Variants in ZNF566 observed in about 807,000 individuals in gnomAD.
The protein encoded by ZNF566 is zinc finger protein 566.
In ZNF566, 27 loss-of-function variants were observed where a neutral mutation model predicts 32.8. The observed-to-expected ratio is 0.82, with a 90% CI of 0.61 to 1.14. ZNF566 has a LOEUF of 1.14. Among genes scored for constraint, ZNF566 ranks in the 50% most tolerant of loss-of-function variants. The pLI is 0.00. For synonymous variants in ZNF566, 154 were observed against 159.5 expected (o/e 0.97, Z 0.26); for missense variants, 402 against 490.4 (o/e 0.82, Z 1.70).
intron 1 of ZNF566, among the ~76,000 whole-genome samples, chr19:36,477,054 A>G (rs1473832666): frequency 6.6e-6 from 1 of 151,946 alleles, no homozygotes; most frequent in Non-Finnish European, 1.5e-5. Context: ...TCTGTCCCCC[A>G]GGCTGGAGTG....
intron 3 of ZNF566, 103 bp downstream of exon 3, chr19:36,473,229 A>G (rs2145686954): frequency 1.4e-6 from 2 of 1,398,454 alleles, no homozygotes; most frequent in Non-Finnish European, 2.0e-6. Flanking sequence ...GGAACAGGAT[A>G]TCAAAATTCG....
chr19:36,460,075 G>C (rs938121620), intron 4 of ZNF566, among the ~76,000 whole-genome samples: 2 of 152,008 alleles, frequency 1.3e-5, no homozygotes, highest in Non-Finnish European at 2.9e-5. Flanking sequence ...CCAAAGTGCT[G>C]GGATTACAGG....
intron 4 of ZNF566, among the ~76,000 whole-genome samples, chr19:36,462,630 AG>A (rs1218564028): frequency 6.6e-6 from 1 of 151,940 alleles, no homozygotes; most frequent in Non-Finnish European, 1.5e-5. Flanking sequence ...ATGCAAAAAC[AG>A]GGGGGAAAAT....
At chr19:36,482,900 C>T (rs557457614) in intron 1 of ZNF566, among the ~76,000 whole-genome samples, 1 of 152,256 alleles carries the variant, frequency 6.6e-6, no homozygotes, top group East Asian at 1.9e-4. Context: ...AAGACAGAGT[C>T]GGTCTCCTTC....
chr19:36,447,441 TGA>T lies in ZNF566; in HGVS notation c.*1534_*1535del, dbSNP rs1386832273. ...AATTTTTCCCTGTTCTCTGTGTTTA[TGA>T]GAGTCTTTGAAGAGTCCTAATTTTC... On this transcript the variant is annotated 3_prime_UTR_variant, in exon 5 of 5. Transcript: ENST00000452939. 1 of 152,254 alleles carries T rather than the reference TGA, an allele frequency of 6.6e-6. No individual in the cohort carries two copies. The highest frequency in any genetic ancestry group is 1.5e-5 in the Non-Finnish European group (1 of 68,042). 9.4% of individuals were successfully genotyped at this position (152,254 alleles called of 1,614,324 possible). A position where few individuals can be genotyped will look rare whatever the true frequency, so the allele number is the denominator to read the frequency against.
intron 4 of ZNF566, among the ~76,000 whole-genome samples, chr19:36,459,803 G>A (rs899633165): frequency 4.0e-5 from 6 of 148,206 alleles, no homozygotes; most frequent in Non-Finnish European, 7.4e-5. Flanking sequence ...GAGCCACCGC[G>A]CCTGGCCACC....
rs1314669463 is a variant in ZNF566, at chr19:36,473,447, C to A, written c.21G>T (p.Met7Ile). 6.2e-7 allele frequency: 1 copy of A among 1,602,920 alleles called. No individual in the cohort carries two copies. Among genetic ancestry groups the A allele is most frequent in the East Asian group, 2.2e-5 (1 of 44,680 alleles). Residue 7 changes from methionine to isoleucine, a missense_variant, in exon 3 of 5, where the codon ATG (methionine) becomes ATT (isoleucine). Around this residue, in one of 3 missense-constraint regions of ZNF566, gnomAD observed 220 missense variants for 241.9 expected, o/e 0.91. Coordinates refer to ENST00000452939, the MANE Select transcript of ZNF566 (RefSeq NM_001145344.1). ...AGAAGTCTACGGACACATCACTGAA[C>A]ATCACTGACTCCTGGAACAATAACC... is the stretch of plus-strand genomic sequence containing the variant. MAQESV[M>I]FSDVSVDFSQ...
intron 4 of ZNF566, among the ~76,000 whole-genome samples, chr19:36,467,790 CAAAAAAAAAA>C (rs560803094): frequency 4.7e-5 from 4 of 85,928 alleles, no homozygotes; most frequent in African/African-American, 1.4e-4. Context: ...GACTCCATCT[CAAAAAAAAAA>C]AAAAAAAAAA....
chr19:36,464,800 T>C (rs1320441457), intron 4 of ZNF566, among the ~76,000 whole-genome samples: 3 of 151,788 alleles, frequency 2.0e-5, no homozygotes, highest in African/African-American at 7.3e-5. Flanking sequence ...AAGTAGAAAA[T>C]TGGGCTAGGA....
Position 36,449,153 on chromosome 19 carries a change from G to C in ZNF566, c.1081C>G (p.His361Asp). Reference protein sequence around the residue: ...GSDLTRHQRIHTGEKPYECKI... With the variant: ...GSDLTRHQRIDTGEKPYECKI... ...CATTCATAGGGTTTCTCCCCAGTAT[G>C]AATTCTCTGATGTCTAGTAAGGTCT... is the stretch of plus-strand genomic sequence containing the variant. Residue 361 changes from histidine to aspartate, a missense_variant, in exon 5 of 5, where the codon CAT becomes GAT. Coordinates refer to ENST00000452939, the MANE Select transcript of ZNF566 (RefSeq NM_001145344.1). The C allele has an allele frequency of 1.2e-6, 2 of 1,614,090 alleles. No individual in the cohort carries two copies. The highest frequency in any genetic ancestry group is 1.7e-6 in the Non-Finnish European group (2 of 1,180,002).
intron 1 of ZNF566, among the ~76,000 whole-genome samples, chr19:36,480,082 T>G (rs539228455): frequency 6.6e-6 from 1 of 152,092 alleles, no homozygotes; most frequent in African/African-American, 2.4e-5. Context: ...GATTCTAACA[T>G]TTATTTGGAA....
At chr19:36,480,251 C>T (rs1322004260) in intron 1 of ZNF566, among the ~76,000 whole-genome samples, 1 of 151,402 alleles carries the variant, frequency 6.6e-6, no homozygotes, top group African/African-American at 2.4e-5. Context: ...TATACTGTCA[C>T]CTGATTTATG....
chr19:36,477,601 C>A (rs1289020704), intron 1 of ZNF566, among the ~76,000 whole-genome samples: 1 of 142,670 alleles, frequency 7.0e-6, no homozygotes, highest in Non-Finnish European at 1.5e-5. Flanking sequence ...TGCAATGGCG[C>A]GATCTTGGCT....
Position 36,469,862 on chromosome 19 carries a change from C to G in ZNF566, c.232+3049G>C, listed in dbSNP as rs372752131. 8.8e-4 allele frequency among the ~76,000 whole-genome samples: 134 copies of G among 151,914 alleles called. 2 individuals are homozygous for G. The South Asian group carries it at 0.014, about 16-fold the overall frequency. On this transcript the variant is annotated intron_variant, in intron 4 of 4. Transcript: ENST00000452939. ...GCATAAAGAATGGTACTTTTACAAA[C>G]AAGCATTGATTAGAAAGCAGCTTAA...
intron 3 of ZNF566, 28 bp downstream of exon 3, chr19:36,473,304 C>T (rs1383019581): frequency 6.2e-7 from 1 of 1,613,274 alleles, no homozygotes; most frequent in Non-Finnish European, 8.5e-7. Flanking sequence ...AGGGCAGAAT[C>T]TAAATTACTA....
chr19:36,449,199 T>C lies in ZNF566; in HGVS notation c.1035A>G (p.Glu345=). 6.2e-7 allele frequency: 1 copy of C among 1,614,038 alleles called. No homozygotes were observed. The highest frequency in any genetic ancestry group is 8.5e-7 in the Non-Finnish European group (1 of 1,179,972). The stretch of plus-strand genomic sequence containing the variant: ...GGTCTGAGCCAGAACGAAAAGCCTT[T>C]TCACATTCCTTACATTCGTAAGGTT... The part of the protein sequence containing the change: ...GEKPYECKEC[E]KAFRSGSDLT... The change falls in exon 5 of 5, where the codon GAA becomes GAG. Residue 345 remains glutamate (E), a synonymous_variant. Coordinates refer to ENST00000452939, the MANE Select transcript of ZNF566 (RefSeq NM_001145344.1).
At chr19:36,475,345 A>G (rs943964989) in intron 2 of ZNF566, among the ~76,000 whole-genome samples, 4 of 152,110 alleles carry the variant, frequency 2.6e-5, no homozygotes, top group African/African-American at 9.7e-5. Context: ...GGCCACTGAC[A>G]TCAATTTTTC....
At chr19:36,476,883 A>C (rs527733587) in intron 1 of ZNF566, among the ~76,000 whole-genome samples, 2 of 152,314 alleles carry the variant, frequency 1.3e-5, no homozygotes, top group South Asian at 4.1e-4. Flanking sequence ...CATATTATAC[A>C]CACTACTTAT....
chr19:36,467,790 C>CAAAAAAAAAAAAAAAAAAAAAAAA (rs560803094), intron 4 of ZNF566, among the ~76,000 whole-genome samples: 1 of 85,918 alleles, frequency 1.2e-5, no homozygotes, highest in Admixed American at 1.7e-4. Flanking sequence ...GACTCCATCT[C>CAAAAAAAAAAAAAAAAAAAAAAAA]AAAAAAAAAA....
Sources: allele counts gnomAD v4.1 joint callset (sites outside exome capture counted in the v4.1 genomes callset), GRCh38; gene constraint gnomAD v4.1.1; regional missense constraint gnomAD v4.1.1; transcripts MANE v1.5; gene names NCBI Gene and HGNC (gene_info 2026-07-23, HGNC 2026-07-21).